Variants in ZNF618 observed in about 807,000 individuals in gnomAD.
ZNF618 encodes zinc finger protein 618.
ZNF618 carries 34 observed loss-of-function variants against 103.0 expected under a neutral mutation model. The ratio of observed to expected loss-of-function variants is 0.33; its 90% CI spans 0.25 to 0.44. The LOEUF is 0.44. ZNF618 is among the 20% of genes least tolerant of loss of function. The pLI, the probability that ZNF618 is intolerant of heterozygous loss-of-function variation, is 1.00. For missense variants in ZNF618, 1,059 were observed against 1,295.4 expected, an observed-to-expected ratio of 0.82 and a Z score of 2.80; for synonymous variants, 551 against 542.2, an observed-to-expected ratio of 1.02 and a Z score of -0.23.
At chr9:114,020,183 G>A (rs1842957641) in intron 10 of ZNF618, among the ~76,000 whole-genome samples, 1 of 152,128 alleles carries the variant, frequency 6.6e-6, no homozygotes, top group Non-Finnish European at 1.5e-5. Context: ...TGGCCTGTTT[G>A]TTTATCTTTA....
intron 1 of ZNF618, among the ~76,000 whole-genome samples, chr9:113,943,077 A>G (rs1588109353): frequency 6.6e-6 from 1 of 152,056 alleles, no homozygotes; most frequent in Non-Finnish European, 1.5e-5. Context: ...TGGGAAGGAG[A>G]TAGGGTAGGG....
intron 1 of ZNF618, among the ~76,000 whole-genome samples, chr9:113,889,729 A>ATC (rs753095579): frequency 6.6e-5 from 10 of 152,036 alleles, no homozygotes; most frequent in East Asian, 1.9e-4. Context: ...CTTTCCATGC[A>ATC]TCTCTCTCTC....
intron 1 of ZNF618, among the ~76,000 whole-genome samples, chr9:113,962,021 T>C (rs894649532): frequency 6.6e-6 from 1 of 152,238 alleles, no homozygotes; most frequent in Admixed American, 6.5e-5. Flanking sequence ...TGACCTTGGA[T>C]AAGTCACTTA....
chr9:113,988,586 T>C lies in ZNF618; in HGVS notation c.337+6T>C, dbSNP rs746014767. On this transcript the variant is annotated splice_donor_region_variant and intron_variant, in intron 3 of 14. Coordinates refer to ENST00000374126, the MANE Select transcript of ZNF618 (RefSeq NM_001318042.2). Reference sequence around the variant, plus strand: ...CCGCAACCAGCAGACCCTTGGTGAGTGCCCAGCGTCTGTGGTCAGGGTGGA... The same window carrying C: ...CCGCAACCAGCAGACCCTTGGTGAGCGCCCAGCGTCTGTGGTCAGGGTGGA... The C allele has an allele frequency of 6.2e-7, 1 of 1,601,390 alleles. No individual in the cohort carries two copies. Among genetic ancestry groups the C allele is most frequent in the Non-Finnish European group, 8.5e-7 (1 of 1,176,194 alleles).
intron 1 of ZNF618, among the ~76,000 whole-genome samples, chr9:113,961,488 T>C (rs1407710751): frequency 6.6e-6 from 1 of 152,192 alleles, no homozygotes; most frequent in East Asian, 1.9e-4. Flanking sequence ...TTCATAAATA[T>C]TTATGGAAAA....
chr9:113,930,581 G>A (rs1270022850), intron 1 of ZNF618, among the ~76,000 whole-genome samples: 1 of 152,198 alleles, frequency 6.6e-6, no homozygotes, highest in Non-Finnish European at 1.5e-5. Flanking sequence ...CATGTGGCCT[G>A]GTGCCCCGTG....
chr9:114,013,126 A>G (rs1392630522), intron 9 of ZNF618, among the ~76,000 whole-genome samples: 2 of 152,220 alleles, frequency 1.3e-5, no homozygotes, highest in African/African-American at 4.8e-5. Context: ...GAAGGGAAAA[A>G]GTTGTAATCT....
rs908512914 is a variant in ZNF618 at position 114,016,231 on chromosome 9, G to T, written c.755-464G>T. ...GAAGTGACCCCTGCTGCTAGTGGGTGGGGGGTGCTTGGGGGCAGGGAAGGT... is the reference window on the plus strand; with the variant it reads ...GAAGTGACCCCTGCTGCTAGTGGGTTGGGGGTGCTTGGGGGCAGGGAAGGT... On this transcript the variant is annotated intron_variant, in intron 9 of 14. Coordinates refer to ENST00000374126, the MANE Select transcript of ZNF618 (RefSeq NM_001318042.2). 1.0e-5 allele frequency: 15 copies of T among 1,493,492 alleles called. No homozygotes were observed. In the East Asian group the frequency reaches 2.7e-4, roughly 27 times the overall value. 92.5% of individuals were successfully genotyped at this position (1,493,492 alleles called of 1,614,324 possible).
chr9:113,889,339 C>CTCTCTCTCTCTCTT (rs1829387552), intron 1 of ZNF618, among the ~76,000 whole-genome samples: 1 of 150,904 alleles, frequency 6.6e-6, no homozygotes, highest in Non-Finnish European at 1.5e-5. Context: ...CTCTCTCTCT[C>CTCTCTCTCTCTCTT]TCTCTCTTTC....
intron 1 of ZNF618, among the ~76,000 whole-genome samples, chr9:113,919,203 G>A (rs1344648310): frequency 6.6e-6 from 1 of 152,088 alleles, no homozygotes; most frequent in Non-Finnish European, 1.5e-5. Context: ...GACAGGGCTG[G>A]CAGAGCCTGG....
At chr9:114,036,458 C>A in intron 13 of ZNF618, 81 bp downstream of exon 13, 1 of 1,435,182 alleles carries the variant, frequency 7.0e-7, no homozygotes, top group Non-Finnish European at 9.6e-7. Flanking sequence ...TGACCTGAGG[C>A]CCCTGGAGAA....
At chr9:113,940,947 C>A (rs10817538) in intron 1 of ZNF618, among the ~76,000 whole-genome samples, 66,758 of 151,936 alleles carry the variant, frequency 0.44, 15,134 homozygotes, top group Middle Eastern at 0.5. Flanking sequence ...TTTCTTTCTG[C>A]CACGTAATTT....
intron 1 of ZNF618, among the ~76,000 whole-genome samples, chr9:113,887,229 G>A (rs965154619): frequency 2.6e-5 from 4 of 152,162 alleles, no homozygotes; most frequent in African/African-American, 9.6e-5. Flanking sequence ...AGGCATTAGT[G>A]TAAGTAGGTG....
chr9:113,955,241 C>T (rs1392416092), intron 1 of ZNF618, among the ~76,000 whole-genome samples: 7 of 150,944 alleles, frequency 4.6e-5, no homozygotes, highest in African/African-American at 1.7e-4. Context: ...CCTGACTCAC[C>T]CCGTGGAAGT....
At chr9:114,031,757 G>C (rs4574916) in intron 11 of ZNF618, among the ~76,000 whole-genome samples, 37,915 of 152,138 alleles carry the variant, frequency 0.25, 5,472 homozygotes, top group Middle Eastern at 0.4. Flanking sequence ...TTCTCCTTAA[G>C]AAATGCACTG....
chr9:113,980,405 T>C (rs573295605), intron 2 of ZNF618, among the ~76,000 whole-genome samples: 5 of 151,978 alleles, frequency 3.3e-5, no homozygotes, highest in South Asian at 2.1e-4. Flanking sequence ...AAGCTGGAGA[T>C]ACAATTTGGG....
intron 2 of ZNF618, among the ~76,000 whole-genome samples, chr9:113,972,320 A>G (rs1397279573): frequency 6.6e-6 from 1 of 152,182 alleles, no homozygotes; most frequent in Non-Finnish European, 1.5e-5. Flanking sequence ...AAGTGCTGGG[A>G]TTACAGATAG....
intron 1 of ZNF618, among the ~76,000 whole-genome samples, chr9:113,889,713 A>G (rs1309870639): frequency 1.3e-5 from 2 of 152,108 alleles, no homozygotes; most frequent in Admixed American, 6.5e-5. Flanking sequence ...CTGACTAGCT[A>G]TCTACCTTTC....
intron 1 of ZNF618, among the ~76,000 whole-genome samples, chr9:113,967,668 G>A (rs930923957): frequency 6.6e-6 from 1 of 152,210 alleles, no homozygotes; most frequent in Non-Finnish European, 1.5e-5. Flanking sequence ...ATATTATGGG[G>A]TGGAGGGGGG....
Sources: allele counts gnomAD v4.1 joint callset (sites outside exome capture counted in the v4.1 genomes callset), GRCh38; gene constraint gnomAD v4.1.1; transcripts MANE v1.5; gene names NCBI Gene and HGNC (gene_info 2026-07-23, HGNC 2026-07-21).